Variants in SCARA5 observed in about 807,000 individuals in gnomAD.
SCARA5 encodes scavenger receptor class A, member 5 (putative).
Under a neutral mutation model 46.3 loss-of-function variants are expected in SCARA5, and 45 were observed. The observed-to-expected ratio is 0.97, with a 90% CI of 0.76 to 1.24. The LOEUF is 1.24. SCARA5 is among the 50% of genes most tolerant of loss of function. The pLI is 0.00. For synonymous variants in SCARA5, 333 were observed against 306.5 expected, an observed-to-expected ratio of 1.09 and a Z score of -0.90; for missense variants, 680 against 689.0, an observed-to-expected ratio of 0.99 and a Z score of 0.15.
At chr8:27,935,631 C>G (rs558562161) in intron 3 of SCARA5, among the ~76,000 whole-genome samples, 1 of 152,092 alleles carries the variant, frequency 6.6e-6, no homozygotes, top group Non-Finnish European at 1.5e-5. Context: ...ACCCAGGGAG[C>G]GGGAGAGGGC....
intron 7 of SCARA5, among the ~76,000 whole-genome samples, chr8:27,884,366 G>A (rs544657097): frequency 6.6e-6 from 1 of 152,352 alleles, no homozygotes; most frequent in East Asian, 1.9e-4. Context: ...GAGCAGTAAG[G>A]ACAGGCTAAC....
At chr8:27,943,160 C>T (rs1563533725) in intron 3 of SCARA5, among the ~76,000 whole-genome samples, 1 of 152,188 alleles carries the variant, frequency 6.6e-6, no homozygotes, top group Non-Finnish European at 1.5e-5. Context: ...TAGGAGGTTG[C>T]ATCCTAACTA....
chr8:27,896,222 C>T (rs1393963883), intron 7 of SCARA5, among the ~76,000 whole-genome samples: 4 of 152,208 alleles, frequency 2.6e-5, no homozygotes, highest in Admixed American at 6.5e-5. Flanking sequence ...CCTTGCTGTA[C>T]ACCCTGTGGG....
chr8:27,967,781 C>T (rs879585171), intron 2 of SCARA5, among the ~76,000 whole-genome samples: 21 of 152,102 alleles, frequency 1.4e-4, no homozygotes, highest in Admixed American at 8.5e-4. Flanking sequence ...GGCGTGGTGT[C>T]GCGTGCTTGT....
intron 2 of SCARA5, among the ~76,000 whole-genome samples, chr8:27,969,820 A>T (rs1808421762): frequency 6.6e-6 from 1 of 152,204 alleles, no homozygotes. Context: ...TGACACTACT[A>T]TTAAAAAACA....
chr8:27,909,541 T>G, intron 5 of SCARA5, 122 bp downstream of exon 5: 1 of 651,750 alleles, frequency 1.5e-6, no homozygotes, highest in South Asian at 2.0e-5. Context: ...GAACAGAGCG[T>G]TTGAGGCGGA....
At chr8:27,874,085 T>C (rs4732783) in intron 8 of SCARA5, among the ~76,000 whole-genome samples, 72,160 of 152,042 alleles carry the variant, frequency 0.47, 17,388 homozygotes, top group Middle Eastern at 0.63. Flanking sequence ...GAGGCCTCTG[T>C]GTGCTCAGTA....
intron 3 of SCARA5, among the ~76,000 whole-genome samples, chr8:27,949,291 A>T (rs1808086164): frequency 6.6e-6 from 1 of 152,252 alleles, no homozygotes; most frequent in Non-Finnish European, 1.5e-5. Context: ...AGGAAACCAG[A>T]GTCAGCCCAG....
chr8:27,873,612 A>G (rs538220382), intron 8 of SCARA5, among the ~76,000 whole-genome samples: 1 of 151,818 alleles, frequency 6.6e-6, no homozygotes, highest in African/African-American at 2.4e-5. Context: ...CAAATCCTAT[A>G]AAACGGCCCC....
At chr8:27,972,823 T>C (rs1445545868) in intron 2 of SCARA5, among the ~76,000 whole-genome samples, 1 of 150,310 alleles carries the variant, frequency 6.7e-6, no homozygotes, top group African/African-American at 2.4e-5. Context: ...GTGTCACCAC[T>C]GCACTCCAGC....
intron 2 of SCARA5, among the ~76,000 whole-genome samples, chr8:27,982,699 C>T (rs1808642037): frequency 6.6e-6 from 1 of 152,068 alleles, no homozygotes; most frequent in South Asian, 2.1e-4. Flanking sequence ...AGAAGGGAGG[C>T]TCTAAAGGCA....
chr8:27,881,660 C>T (rs1806814994), intron 7 of SCARA5, among the ~76,000 whole-genome samples: 1 of 152,072 alleles, frequency 6.6e-6, no homozygotes, highest in African/African-American at 2.4e-5. Context: ...GCACATGTAC[C>T]CCCTGAATCT....
Position 27,909,646 on chromosome 8 carries a change from A to G in SCARA5, c.997+17T>C, listed in dbSNP as rs1807339379. ...TGGGGATCTCTCCCAGGTACCACCC[A>G]GGGGCACGCTCATTACCTCGAAGTC... is the stretch of plus-strand genomic sequence containing the variant. On this transcript the variant is annotated intron_variant, in intron 5 of 8. Coordinates refer to ENST00000354914, the MANE Select transcript of SCARA5 (RefSeq NM_173833.6). 2 of 1,516,104 alleles carry G rather than the reference A, an allele frequency of 1.3e-6. No homozygotes were observed. 93.9% of individuals were successfully genotyped at this position (1,516,104 alleles called of 1,614,324 possible).
intron 7 of SCARA5, 126 bp downstream of exon 7, chr8:27,904,652 C>A (rs545111459): frequency 3.4e-6 from 3 of 870,098 alleles, no homozygotes; most frequent in African/African-American, 1.7e-5. Flanking sequence ...AGGTAGGGAG[C>A]CTCCTTTGAC....
chr8:27,959,672 G>T (rs1183173243), intron 3 of SCARA5, among the ~76,000 whole-genome samples: 2 of 152,202 alleles, frequency 1.3e-5, no homozygotes, highest in African/African-American at 4.8e-5. Context: ...AGAATGCCTT[G>T]TTATGATATG....
intron 3 of SCARA5, among the ~76,000 whole-genome samples, chr8:27,953,447 T>C (rs751385961): frequency 5.9e-5 from 9 of 152,200 alleles, no homozygotes; most frequent in Non-Finnish European, 1.3e-4. Context: ...ACAGTGGAGA[T>C]TCAGTTTAAA....
At chr8:27,900,920 C>A (rs1222785961) in intron 7 of SCARA5, among the ~76,000 whole-genome samples, 3 of 151,218 alleles carry the variant, frequency 2.0e-5, no homozygotes, top group African/African-American at 7.3e-5. Context: ...GATTCTAGAC[C>A]CAATTTGGCC....
intron 2 of SCARA5, among the ~76,000 whole-genome samples, chr8:27,978,050 G>A (rs781693037): frequency 2.2e-4 from 30 of 138,064 alleles, no homozygotes; most frequent in Non-Finnish European, 4.1e-4. Flanking sequence ...TTTTTGAGAC[G>A]GAGTCTTGCT....
intron 3 of SCARA5, among the ~76,000 whole-genome samples, chr8:27,948,691 A>C (rs1286407318): frequency 6.6e-6 from 1 of 152,214 alleles, no homozygotes; most frequent in East Asian, 1.9e-4. Context: ...AGCTGAGCGC[A>C]GGAAGCCTAG....
Sources: gnomAD v4.1 joint callset for allele counts (sites outside exome capture counted in the v4.1 genomes callset) on GRCh38, gnomAD v4.1.1 for gene constraint, MANE v1.5 for transcripts, NCBI Gene and HGNC (gene_info 2026-07-23, HGNC 2026-07-21) for gene names.